Variants in NR6A1 observed in about 807,000 individuals in gnomAD.
The protein encoded by NR6A1 is retinoic acid receptor-related testis-associated receptor.
In NR6A1, 7 loss-of-function variants were observed where a neutral mutation model predicts 59.1. That is an observed-to-expected ratio of 0.12 (90% CI 0.07 to 0.22). NR6A1 has a LOEUF of 0.22. Ranked by LOEUF, NR6A1 falls within the 10% of genes least tolerant of loss-of-function variation. The pLI, the probability that NR6A1 is intolerant of heterozygous loss-of-function variation, is 1.00. For missense variants in NR6A1, 468 were observed against 611.6 expected, an observed-to-expected ratio of 0.77 and a Z score of 2.48; for synonymous variants, 243 against 236.1, an observed-to-expected ratio of 1.03 and a Z score of -0.27.
intron 2 of NR6A1, among the ~76,000 whole-genome samples, chr9:124,619,262 T>A (rs945425930): frequency 6.6e-6 from 1 of 152,118 alleles, no homozygotes; most frequent in Non-Finnish European, 1.5e-5. Context: ...GTAATTTTAA[T>A]TAAAAAAAAA....
At chr9:124,589,467 A>G (rs1835043476) in intron 2 of NR6A1, among the ~76,000 whole-genome samples, 1 of 152,156 alleles carries the variant, frequency 6.6e-6, no homozygotes, top group African/African-American at 2.4e-5. Context: ...AACAAAAAAT[A>G]AAAAATAAAA....
At chr9:124,746,758 T>C (rs969602492) in intron 1 of NR6A1, among the ~76,000 whole-genome samples, 6 of 152,204 alleles carry the variant, frequency 3.9e-5, no homozygotes, top group African/African-American at 1.4e-4. Context: ...TTTTTTTAGA[T>C]GCTAAACTTT....
intron 2 of NR6A1, among the ~76,000 whole-genome samples, chr9:124,594,686 C>T (rs1489546418): frequency 6.6e-6 from 1 of 152,068 alleles, no homozygotes; most frequent in African/African-American, 2.4e-5. Flanking sequence ...CACTAAAAAC[C>T]AATAATTCTG....
intron 2 of NR6A1, among the ~76,000 whole-genome samples, chr9:124,668,003 G>A (rs1322541694): frequency 6.6e-6 from 1 of 152,066 alleles, no homozygotes; most frequent in Non-Finnish European, 1.5e-5. Flanking sequence ...ATCACAAGGG[G>A]TTAGGGGGAC....
At chr9:124,695,443 C>T (rs554726655) in intron 2 of NR6A1, among the ~76,000 whole-genome samples, 4 of 152,228 alleles carry the variant, frequency 2.6e-5, no homozygotes, top group African/African-American at 4.8e-5. Context: ...GATGCGATCT[C>T]GGCTCACTGC....
chr9:124,584,496 C>T (rs1277228611), intron 2 of NR6A1, among the ~76,000 whole-genome samples: 1 of 152,132 alleles, frequency 6.6e-6, no homozygotes, highest in Non-Finnish European at 1.5e-5. Flanking sequence ...CATGTGCTCA[C>T]TTTGTGTCTC....
At chr9:124,559,618 A>C (rs1190554278) in intron 2 of NR6A1, among the ~76,000 whole-genome samples, 3 of 152,178 alleles carry the variant, frequency 2.0e-5, no homozygotes, top group Non-Finnish European at 2.9e-5. Context: ...TCTACTAAAA[A>C]TACAAAAAAT....
chr9:124,700,018 G>C (rs12553892), intron 2 of NR6A1, among the ~76,000 whole-genome samples: 88 of 151,952 alleles, frequency 5.8e-4, no homozygotes, highest in Admixed American at 4.3e-3. Context: ...CACCACACCC[G>C]CCTTTTTTTT....
intron 2 of NR6A1, among the ~76,000 whole-genome samples, chr9:124,625,710 G>C (rs1378358099): frequency 6.6e-6 from 1 of 152,078 alleles, no homozygotes; most frequent in Non-Finnish European, 1.5e-5. Flanking sequence ...CAATATTCTG[G>C]GTGTGTCTGG....
chr9:124,614,602 C>A (rs1039704130), intron 2 of NR6A1, among the ~76,000 whole-genome samples: 6 of 152,102 alleles, frequency 3.9e-5, no homozygotes, highest in African/African-American at 9.7e-5. Flanking sequence ...GCAACTCCAA[C>A]GGGTTGAGAG....
chr9:124,552,665 T>C (rs184309517), intron 3 of NR6A1, among the ~76,000 whole-genome samples: 2 of 152,288 alleles, frequency 1.3e-5, no homozygotes, highest in East Asian at 1.9e-4. Flanking sequence ...CCCTAAACTA[T>C]TGCTAACTCA....
chr9:124,719,914 TC>T (rs1839518498), intron 2 of NR6A1, among the ~76,000 whole-genome samples: 3 of 151,736 alleles, frequency 2.0e-5, no homozygotes, highest in Admixed American at 1.3e-4. Context: ...AAAGACCGTG[TC>T]CCCAATCCAT....
intron 2 of NR6A1, among the ~76,000 whole-genome samples, chr9:124,589,755 AAC>A (rs1835054506): frequency 6.6e-6 from 1 of 152,170 alleles, no homozygotes; most frequent in African/African-American, 2.4e-5. Context: ...AGTTATCCAT[AAC>A]TTATTAGCTC....
chr9:124,690,412 T>G (rs1838498005), intron 2 of NR6A1, among the ~76,000 whole-genome samples: 1 of 152,170 alleles, frequency 6.6e-6, no homozygotes. Flanking sequence ...CACCAATATT[T>G]CGTGGTTTCT....
Position 124,771,086 on chromosome 9 carries a change from C to G in NR6A1, c.34G>C (p.Gly12Arg). ...AACCCCGCCGAGCCCCCGCCGCCTC[C>G]CCCTCCGCTAGGCGGCGGTTCGTCC... ...ERDEPPPSGGGGGGGSAGFLE... is the reference protein window; with the variant it reads ...ERDEPPPSGGRGGGGSAGFLE... The change falls in exon 1 of 10, where the codon GGA becomes CGA. Residue 12 changes from glycine to arginine, a missense_variant. Coordinates refer to ENST00000487099, the MANE Select transcript of NR6A1 (RefSeq NM_033334.4). The G allele has an allele frequency of 8.1e-7, 1 of 1,230,246 alleles. No individual in the cohort carries two copies. The highest frequency in any genetic ancestry group is 1.0e-6 in the Non-Finnish European group (1 of 986,812). 76.2% of individuals were successfully genotyped at this position (1,230,246 alleles called of 1,614,324 possible).
At chr9:124,598,698 A>C (rs1179752248) in intron 2 of NR6A1, 12 of 675,012 alleles carry the variant, frequency 1.8e-5, no homozygotes, top group Non-Finnish European at 2.8e-5. Context: ...GAAAAAAATA[A>C]GACGATTTAT....
At chr9:124,731,012 A>C (rs1839868831) in intron 2 of NR6A1, among the ~76,000 whole-genome samples, 1 of 152,152 alleles carries the variant, frequency 6.6e-6, no homozygotes, top group Non-Finnish European at 1.5e-5. Flanking sequence ...AGCATGTTTT[A>C]TGTGTAGTTG....
At chr9:124,631,899 A>G (rs1353123288) in intron 2 of NR6A1, among the ~76,000 whole-genome samples, 3 of 152,258 alleles carry the variant, frequency 2.0e-5, no homozygotes, top group African/African-American at 4.8e-5. Context: ...GCTCCTACTT[A>G]TAAGTGAGAA....
intron 1 of NR6A1, among the ~76,000 whole-genome samples, chr9:124,762,806 G>A (rs891351453): frequency 1.3e-4 from 20 of 152,068 alleles, no homozygotes; most frequent in Non-Finnish European, 2.1e-4. Context: ...TCATAACATC[G>A]AAAATCATAT....
Sources: gnomAD v4.1 joint callset for allele counts (sites outside exome capture counted in the v4.1 genomes callset) on GRCh38, gnomAD v4.1.1 for gene constraint, MANE v1.5 for transcripts, NCBI Gene and HGNC (gene_info 2026-07-23, HGNC 2026-07-21) for gene names.